Variants in ZNF521 observed in about 807,000 individuals in gnomAD.
The protein encoded by ZNF521 is LYST-interacting protein 3.
ZNF521 carries 14 observed loss-of-function variants against 105.5 expected under a neutral mutation model. That is an observed-to-expected ratio of 0.13 (90% CI 0.09 to 0.21). The LOEUF (loss-of-function observed/expected upper bound fraction) is 0.21. Among genes scored for constraint, ZNF521 ranks in the 10% least tolerant of loss-of-function variants. ZNF521 has a pLI of 1.00. For missense variants in ZNF521, 1,233 were observed against 1,629.7 expected, an observed-to-expected ratio of 0.76 and a Z score of 4.19; for synonymous variants, 635 against 606.0, an observed-to-expected ratio of 1.05 and a Z score of -0.70.
At chr18:25,347,131 T>A (rs1914498190) in intron 2 of ZNF521, among the ~76,000 whole-genome samples, 2 of 152,156 alleles carry the variant, frequency 1.3e-5, no homozygotes, top group Non-Finnish European at 2.9e-5. Flanking sequence ...ATGCAACTGA[T>A]TTGCTGCCTC....
chr18:25,237,703 A>G (rs1265907329), intron 3 of ZNF521, among the ~76,000 whole-genome samples: 1 of 152,224 alleles, frequency 6.6e-6, no homozygotes, highest in Non-Finnish European at 1.5e-5. Context: ...CTGACTCAAT[A>G]CTGTCTGTAC....
chr18:25,127,302 T>G (rs1319186304), intron 5 of ZNF521, among the ~76,000 whole-genome samples: 1 of 151,772 alleles, frequency 6.6e-6, no homozygotes, highest in East Asian at 1.9e-4. Flanking sequence ...AGATACAGAG[T>G]GGGATAAAGA....
At chr18:25,289,598 T>C (rs1910899023) in intron 3 of ZNF521, among the ~76,000 whole-genome samples, 1 of 152,196 alleles carries the variant, frequency 6.6e-6, no homozygotes, top group Non-Finnish European at 1.5e-5. Flanking sequence ...TGTATATACT[T>C]TGTTATCAGA....
At chr18:25,206,630 C>T (rs912382696) in intron 4 of ZNF521, among the ~76,000 whole-genome samples, 74 of 151,912 alleles carry the variant, frequency 4.9e-4, no homozygotes, top group African/African-American at 1.7e-3. Context: ...ACTTTTATCT[C>T]CGCTGAGATA....
chr18:25,233,196 A>C (rs1012896031), intron 3 of ZNF521, among the ~76,000 whole-genome samples: 11 of 152,378 alleles, frequency 7.2e-5, no homozygotes, highest in African/African-American at 2.2e-4. Context: ...ACATTTTTAA[A>C]GCAATGATTT....
intron 1 of ZNF521, 95 bp from the exon 2 acceptor site, chr18:25,351,042 C>T: frequency 9.4e-7 from 1 of 1,068,126 alleles, no homozygotes; most frequent in African/African-American, 1.7e-5. Flanking sequence ...CGCCTCGCGC[C>T]CTCCGCTCGG....
At chr18:25,123,138 CTCATTA>C (rs2034475431) in intron 5 of ZNF521, among the ~76,000 whole-genome samples, 1 of 151,120 alleles carries the variant, frequency 6.6e-6, no homozygotes, top group African/African-American at 2.4e-5. Flanking sequence ...TTACAAATGA[CTCATTA>C]TATGAGTCAT....
chr18:25,342,492 C>A (rs112474349), intron 2 of ZNF521, among the ~76,000 whole-genome samples: 24,529 of 130,300 alleles, frequency 0.19, 2,999 homozygotes, highest in Admixed American at 0.23. Context: ...GCAGTGGAGC[C>A]ATCTTGGCTC....
rs10542663 is a variant in ZNF521 at position 25,303,309 on chromosome 18, TGAGAGAGA to T, written c.220+18691_220+18698del. 3.1e-3 allele frequency among the ~76,000 whole-genome samples: 403 copies of T among 128,482 alleles called. 4 individuals are homozygous for T. Among genetic ancestry groups the T allele is most frequent in the African/African-American group, 9.9e-3 (355 of 35,682 alleles). The allele number at this position is 128,482 out of a possible 152,430, so 84.3% of individuals were successfully genotyped here. A position where few individuals can be genotyped will look rare whatever the true frequency, so the allele number is the denominator to read the frequency against. On this transcript the variant is annotated intron_variant, in intron 3 of 7. Transcript: ENST00000361524. ...GTGTGTGTGTGTGTGTGTGTGTGTG[TGAGAGAGA>T]GACGGAGTCTCGCTCTGTCACCAAG...
At chr18:25,064,298 C>G (rs972798373) in intron 7 of ZNF521, among the ~76,000 whole-genome samples, 1 of 98,404 alleles carries the variant, frequency 1.0e-5, no homozygotes, top group Non-Finnish European at 2.1e-5. Context: ...CCTAAACCTG[C>G]CTAGCCATTG....
intron 3 of ZNF521, among the ~76,000 whole-genome samples, chr18:25,257,054 T>A (rs1843336257): frequency 6.6e-6 from 1 of 152,046 alleles, no homozygotes; most frequent in Non-Finnish European, 1.5e-5. Context: ...TGAGGCTAGA[T>A]GGGGAGACTA....
At chr18:25,159,530 T>C (rs1047389604) in intron 5 of ZNF521, among the ~76,000 whole-genome samples, 6 of 151,898 alleles carry the variant, frequency 4.0e-5, no homozygotes, top group African/African-American at 1.5e-4. Context: ...AAACCATAGA[T>C]ATTTTGGGTT....
chr18:25,249,445 C>A (rs1285798902), intron 3 of ZNF521, among the ~76,000 whole-genome samples: 2 of 151,708 alleles, frequency 1.3e-5, no homozygotes, highest in Non-Finnish European at 2.9e-5. Flanking sequence ...GCTTGAGCCA[C>A]CACGCCGGGC....
chr18:25,102,977 C>T (rs1380353294), intron 5 of ZNF521, among the ~76,000 whole-genome samples: 1 of 152,140 alleles, frequency 6.6e-6, no homozygotes, highest in Non-Finnish European at 1.5e-5. Context: ...ACCTCATCCC[C>T]CTATGTCTTA....
chr18:25,189,488 C>A (rs747182630), intron 5 of ZNF521, among the ~76,000 whole-genome samples: 23 of 152,178 alleles, frequency 1.5e-4, no homozygotes, highest in Non-Finnish European at 2.9e-4. Flanking sequence ...TGTCCCCATA[C>A]AGAGCTGCCA....
chr18:25,118,956 T>C (rs543521383), intron 5 of ZNF521, among the ~76,000 whole-genome samples: 3 of 152,154 alleles, frequency 2.0e-5, no homozygotes, highest in African/African-American at 7.2e-5. Flanking sequence ...ACAGTAAGCA[T>C]GAGAATGCTA....
intron 6 of ZNF521, among the ~76,000 whole-genome samples, 165 bp from the exon 7 acceptor site, chr18:25,089,745 T>C (rs933232664): frequency 1.3e-5 from 2 of 152,166 alleles, no homozygotes; most frequent in African/African-American, 2.4e-5. Context: ...TGGTTGGGTC[T>C]CTGGCTTTTG....
At chr18:25,219,492 TTTATATGAGTCCGAAA>T in intron 4 of ZNF521, among the ~76,000 whole-genome samples, 1 of 152,132 alleles carries the variant, frequency 6.6e-6, no homozygotes. Flanking sequence ...CAGGCAGCTG[TTTATATGAGTCCGAAA>T]CTCAGAGCAA....
At chr18:25,297,098 T>A (rs1299224301) in intron 3 of ZNF521, among the ~76,000 whole-genome samples, 2 of 151,030 alleles carry the variant, frequency 1.3e-5, no homozygotes, top group African/African-American at 4.9e-5. Flanking sequence ...CACACATATA[T>A]ATAGACACAT....
Sources: allele counts gnomAD v4.1 joint callset (sites outside exome capture counted in the v4.1 genomes callset), GRCh38; gene constraint gnomAD v4.1.1; transcripts MANE v1.5; gene names NCBI Gene and HGNC (gene_info 2026-07-23, HGNC 2026-07-21).